PLD5: variants seen among roughly 807,000 people sequenced by gnomAD.
PLD5 encodes phospholipase D family member 5.
Under a neutral mutation model 61.1 loss-of-function variants are expected in PLD5, and 36 were observed. The observed-to-expected ratio is 0.59, with a 90% CI of 0.45 to 0.78. The LOEUF is 0.78. Among genes scored for constraint, PLD5 ranks in the 30% least tolerant of loss-of-function variants. The pLI is 0.00. For missense variants in PLD5, 515 were observed against 644.4 expected (o/e 0.80, Z 2.17); for synonymous variants, 243 against 242.8 (o/e 1.00, Z -0.01).
At chr1:242,353,249 T>C (rs1660574232) in intron 1 of PLD5, among the ~76,000 whole-genome samples, 1 of 152,184 alleles carries the variant, frequency 6.6e-6, no homozygotes. Context: ...TATCCAGTTT[T>C]CCCAATACCA....
chr1:242,256,891 C>T lies in PLD5; in HGVS notation c.607+8446G>A, dbSNP rs1215135507. On this transcript the variant is annotated intron_variant, in intron 4 of 9. Coordinates refer to ENST00000536534, the MANE Select transcript of PLD5 (RefSeq NM_001372062.1). This position sits in a 1 kb window ranked among gnomAD's most constrained non-coding sequence, Gnocchi z 5.7. The stretch of plus-strand genomic sequence containing the variant: ...ATCTTCTTTCTTTTCTCTCCCTCTT[C>T]TTTCTCTTTCTTTTTTCATCTATCT... Among the ~76,000 whole-genome samples the T allele has an allele frequency of 7.5e-6, 1 of 133,270 alleles. No homozygotes were observed. The highest frequency in any genetic ancestry group is 3.0e-5 in the African/African-American group (1 of 33,656). 87.4% of individuals were successfully genotyped at this position (133,270 alleles called of 152,430 possible). A position where few individuals can be genotyped will look rare whatever the true frequency, so the allele number is the denominator to read the frequency against.
upstream of PLD5, among the ~76,000 whole-genome samples, chr1:242,524,991 G>A (rs116523324): frequency 6.0e-3 from 911 of 152,226 alleles, 12 homozygotes; most frequent in African/African-American, 0.021. Context: ...GGATGGCTCC[G>A]GAGGGAGACA....
At chr1:242,326,733 G>T (rs1229480677) in intron 2 of PLD5, among the ~76,000 whole-genome samples, 2 of 151,900 alleles carry the variant, frequency 1.3e-5, no homozygotes, top group Non-Finnish European at 2.9e-5. Context: ...TTGAGACAGG[G>T]TCTCACTCTG....
intron 9 of PLD5, among the ~76,000 whole-genome samples, chr1:242,099,278 A>G (rs1288809554): frequency 1.3e-5 from 2 of 151,796 alleles, no homozygotes; most frequent in African/African-American, 4.8e-5. Flanking sequence ...ACCCACCACC[A>G]TGTCCAGCAA....
At chr1:242,346,028 T>A (rs1832895) in intron 2 of PLD5, among the ~76,000 whole-genome samples, 1 of 123,618 alleles carries the variant, frequency 8.1e-6, no homozygotes, top group Non-Finnish European at 1.6e-5. Context: ...CCCCCCCATA[T>A]ATACAACCAT....
intron 2 of PLD5, among the ~76,000 whole-genome samples, chr1:242,323,372 G>C (rs1385270675): frequency 6.6e-6 from 1 of 151,330 alleles, no homozygotes; most frequent in Non-Finnish European, 1.5e-5. Flanking sequence ...TGTTTTTTTT[G>C]TAGTTTCCAA....
intron 1 of PLD5, among the ~76,000 whole-genome samples, chr1:242,357,830 G>A (rs1162806501): frequency 6.6e-6 from 1 of 151,980 alleles, no homozygotes; most frequent in Non-Finnish European, 1.5e-5. Flanking sequence ...TATGTTTTCT[G>A]GCCCTTTTAC....
chr1:242,187,985 G>A (rs1437118267), intron 5 of PLD5, among the ~76,000 whole-genome samples: 4 of 152,174 alleles, frequency 2.6e-5, no homozygotes, highest in Non-Finnish European at 5.9e-5. Context: ...AGAGGGGTAT[G>A]AGAAATTGAG....
At chr1:242,458,484 C>A (rs1272649530) in intron 1 of PLD5, among the ~76,000 whole-genome samples, 1 of 152,226 alleles carries the variant, frequency 6.6e-6, no homozygotes, top group Non-Finnish European at 1.5e-5. Flanking sequence ...CCTCCAAAGC[C>A]AAGGCTCATT....
rs114506025 is a variant in PLD5 at position 242,435,135 on chromosome 1, A to G, written c.190-86893T>C. Reference sequence around the variant, plus strand: ...TTGACAAAAAGTCTGAACACACAGTACAGTTAGTCAATCCAAAGTATTCAT... The same window carrying G: ...TTGACAAAAAGTCTGAACACACAGTGCAGTTAGTCAATCCAAAGTATTCAT... On this transcript the variant is annotated intron_variant, in intron 1 of 9. Coordinates refer to ENST00000536534, the MANE Select transcript of PLD5 (RefSeq NM_001372062.1). 2.1e-3 allele frequency among the ~76,000 whole-genome samples: 319 copies of G among 152,288 alleles called. 1 individual carries two copies. The highest frequency in any genetic ancestry group is 7.3e-3 in the African/African-American group (305 of 41,552).
At chr1:242,431,568 C>T (rs1665722011) in intron 1 of PLD5, among the ~76,000 whole-genome samples, 1 of 152,192 alleles carries the variant, frequency 6.6e-6, no homozygotes, top group Admixed American at 6.5e-5. Context: ...TCATCCACAG[C>T]TTATTTACAC....
intron 1 of PLD5, among the ~76,000 whole-genome samples, chr1:242,449,017 TAC>T (rs1558575776): frequency 6.6e-6 from 1 of 152,186 alleles, no homozygotes; most frequent in Non-Finnish European, 1.5e-5. Flanking sequence ...TCATGGAAAT[TAC>T]AGTTACTTTC....
chr1:242,348,124 T>A lies in PLD5; in HGVS notation c.308A>T (p.Asn103Ile), dbSNP rs1406838623. The change falls in exon 2 of 10, where the codon AAT becomes ATT. Residue 103 changes from asparagine (N) to isoleucine (I), a missense_variant. Transcript: ENST00000536534. ...GEDEDGLSEK[N>I]CQNKCRIALV... ...CTCTTACCGACATTTATTTTGGCAA[T>A]TTTTTTCTGAGAGTCCATCCTCATC... is the stretch of plus-strand genomic sequence containing the variant. 19 of 1,612,574 alleles carry A rather than the reference T, an allele frequency of 1.2e-5. No individual in the cohort carries two copies. Among genetic ancestry groups the A allele is most frequent in the Non-Finnish European group, 1.5e-5 (18 of 1,179,486 alleles).
intron 1 of PLD5, among the ~76,000 whole-genome samples, chr1:242,382,128 C>A (rs200795463): frequency 1.8e-3 from 223 of 125,408 alleles, no homozygotes; most frequent in African/African-American, 2.1e-3. Context: ...ACTTTGACAG[C>A]AAAAAAAAAA....
chr1:242,524,433 G>C lies in PLD5; in HGVS notation c.-157C>G. On this transcript the variant is annotated 5_prime_UTR_variant, in exon 1 of 10. Coordinates refer to ENST00000536534, the MANE Select transcript of PLD5 (RefSeq NM_001372062.1). Reference sequence around the variant, plus strand: ...AGGAGCGAGCGGGCGCGGGGAGCGCGGGGTGCTGAGCGCCAGCTGGGAGCG... The same window carrying C: ...AGGAGCGAGCGGGCGCGGGGAGCGCCGGGTGCTGAGCGCCAGCTGGGAGCG... 1.5e-6 allele frequency: 1 copy of C among 673,950 alleles called. No homozygotes were observed. Among genetic ancestry groups the C allele is most frequent in the Non-Finnish European group, 2.1e-6 (1 of 482,840 alleles). 41.7% of individuals were successfully genotyped at this position (673,950 alleles called of 1,614,324 possible). A position where few individuals can be genotyped will look rare whatever the true frequency, so the allele number is the denominator to read the frequency against.
intron 4 of PLD5, among the ~76,000 whole-genome samples, chr1:242,220,984 G>A (rs435670): frequency 0.054 from 8,282 of 152,126 alleles, 767 homozygotes; most frequent in African/African-American, 0.19. Flanking sequence ...TGATCCACTC[G>A]CCTCGGCCTT....
At chr1:242,164,418 C>G (rs1207926205) in intron 5 of PLD5, among the ~76,000 whole-genome samples, 1 of 147,806 alleles carries the variant, frequency 6.8e-6, no homozygotes, top group Non-Finnish European at 1.5e-5. Flanking sequence ...AAAAAAAAAT[C>G]TCCAGTATTG....
At chr1:242,384,945 C>A (rs545376963) in intron 1 of PLD5, among the ~76,000 whole-genome samples, 1 of 152,280 alleles carries the variant, frequency 6.6e-6, no homozygotes, top group East Asian at 1.9e-4. Context: ...CAGTAGGACA[C>A]ATGGCGAATT....
intron 1 of PLD5, among the ~76,000 whole-genome samples, chr1:242,388,619 G>C (rs1372613015): frequency 1.3e-5 from 2 of 152,156 alleles, no homozygotes; most frequent in Non-Finnish European, 1.5e-5. Flanking sequence ...AGGTGATGCT[G>C]TTCTTGCTAA....
Sources: gnomAD v4.1 joint callset for allele counts (sites outside exome capture counted in the v4.1 genomes callset) on GRCh38, gnomAD v4.1.1 for gene constraint, Gnocchi (gnomAD v3.1) non-coding constraint, MANE v1.5 for transcripts, NCBI Gene and HGNC (gene_info 2026-07-23, HGNC 2026-07-21) for gene names.